Variants in AKAP19 observed in about 807,000 individuals in gnomAD.
AKAP19 encodes small A-kinase anchoring protein.
At chr2:190,085,737 T>G in the AKAP19 span, among the ~76,000 whole-genome samples, 2 of 152,238 alleles carry the variant, frequency 1.3e-5, no homozygotes, top group African/African-American at 4.8e-5. Context: ...AATAGGACAC[T>G]GATCATCCAT....
the AKAP19 span, among the ~76,000 whole-genome samples, chr2:189,995,649 T>G: frequency 6.6e-6 from 1 of 152,160 alleles, no homozygotes; most frequent in South Asian, 2.1e-4. Context: ...ACTGTTCTAT[T>G]CATCATGCTA....
the AKAP19 span, among the ~76,000 whole-genome samples, chr2:190,144,845 C>T: frequency 6.6e-6 from 1 of 152,122 alleles, no homozygotes. Flanking sequence ...GGCACGGTGG[C>T]ACACCCCTGT....
At chr2:190,180,809 C>G in the AKAP19 span, 1 of 985,290 alleles carries the variant, frequency 1.0e-6, no homozygotes, top group Non-Finnish European at 1.2e-6. This position sits in a 1 kb window ranked among gnomAD's most constrained non-coding sequence, Gnocchi z 6.8. Flanking sequence ...GCGGCGGCGA[C>G]GGCAGGAGGA....
chr2:189,964,002 C>T, the AKAP19 span, among the ~76,000 whole-genome samples: 2 of 152,156 alleles, frequency 1.3e-5, no homozygotes, highest in African/African-American at 4.8e-5. Flanking sequence ...CCATCCACCA[C>T]CTTGGCCTCT....
chr2:189,996,171 T>C, the AKAP19 span, among the ~76,000 whole-genome samples: 9 of 152,266 alleles, frequency 5.9e-5, no homozygotes, highest in African/African-American at 2.2e-4. Flanking sequence ...TTTTCCTCAA[T>C]TATTCTCTCA....
At chr2:190,097,885 AAGAAAAGAAAAG>A in the AKAP19 span, among the ~76,000 whole-genome samples, 1 of 151,004 alleles carries the variant, frequency 6.6e-6, no homozygotes, top group Non-Finnish European at 1.5e-5. Context: ...AAAAAAAGAA[AAGAAAAGAAAAG>A]AAAAAGAAAA....
chr2:190,129,173 TC>T, the AKAP19 span, among the ~76,000 whole-genome samples: 1 of 152,330 alleles, frequency 6.6e-6, no homozygotes, highest in Admixed American at 6.5e-5. Context: ...TGTAGAGTAC[TC>T]CATTTACTGA....
the AKAP19 span, among the ~76,000 whole-genome samples, chr2:190,007,260 T>A: frequency 6.6e-6 from 1 of 152,222 alleles, no homozygotes; most frequent in Non-Finnish European, 1.5e-5. Flanking sequence ...TCAATGCCTA[T>A]ATTCTCCATT....
chr2:190,074,680 A>C, the AKAP19 span, among the ~76,000 whole-genome samples: 1 of 152,016 alleles, frequency 6.6e-6, no homozygotes, highest in Non-Finnish European at 1.5e-5. Context: ...AAAGGAGTGC[A>C]AAAGTAGATC....
the AKAP19 span, among the ~76,000 whole-genome samples, chr2:189,963,075 T>C: frequency 6.6e-6 from 1 of 152,134 alleles, no homozygotes; most frequent in Non-Finnish European, 1.5e-5. Flanking sequence ...CATAGCATCT[T>C]CACCAGAAGT....
At chr2:190,181,908 T>C in the AKAP19 span, among the ~76,000 whole-genome samples, 10 of 152,216 alleles carry the variant, frequency 6.6e-5, no homozygotes, top group Non-Finnish European at 8.8e-5. Context: ...AACATGGCTA[T>C]CATAAATAGA....
chr2:190,186,525 TTC>T, the AKAP19 span, among the ~76,000 whole-genome samples: 13 of 152,344 alleles, frequency 8.5e-5, no homozygotes, highest in Non-Finnish European at 1.9e-4. The surrounding 1 kb of genome is among the most constrained non-coding windows in gnomAD (Gnocchi z 5.5). Flanking sequence ...TACAGTAGTG[TTC>T]TTTCGGTGAC....
At chr2:190,068,435 T>C in the AKAP19 span, among the ~76,000 whole-genome samples, 2 of 152,352 alleles carry the variant, frequency 1.3e-5, no homozygotes, top group South Asian at 4.1e-4. Flanking sequence ...GTTCAAGCGA[T>C]TCTCCTGCTT....
the AKAP19 span, chr2:190,180,690 C>T: frequency 2.0e-6 from 2 of 985,444 alleles, no homozygotes; most frequent in Non-Finnish European, 2.4e-6. This position sits in a 1 kb window ranked among gnomAD's most constrained non-coding sequence, Gnocchi z 6.8. Context: ...CTCTGCCACC[C>T]GAAGTTCGTG....
the AKAP19 span, among the ~76,000 whole-genome samples, chr2:190,066,443 A>G: frequency 6.6e-6 from 1 of 152,218 alleles, no homozygotes; most frequent in Non-Finnish European, 1.5e-5. Context: ...ACAAGAATGA[A>G]TCATGAAAAA....
the AKAP19 span, among the ~76,000 whole-genome samples, chr2:189,897,011 A>T: frequency 6.6e-6 from 1 of 152,122 alleles, no homozygotes; most frequent in Non-Finnish European, 1.5e-5. Context: ...ACTGAATTCC[A>T]GCTCTATTCA....
the AKAP19 span, chr2:190,062,194 C>T: frequency 3.1e-5 from 50 of 1,610,674 alleles, no homozygotes; most frequent in Non-Finnish European, 4.2e-5. Flanking sequence ...GTCAGCAGAA[C>T]TGTTGATATA....
At chr2:190,030,600 C>A in the AKAP19 span, among the ~76,000 whole-genome samples, 2 of 152,220 alleles carry the variant, frequency 1.3e-5, no homozygotes, top group Non-Finnish European at 2.9e-5. Flanking sequence ...TCACAACAAC[C>A]AGTTACCCAT....
the AKAP19 span, among the ~76,000 whole-genome samples, chr2:190,074,902 T>C: frequency 4.6e-5 from 7 of 152,062 alleles, no homozygotes; most frequent in Non-Finnish European, 7.4e-5. Flanking sequence ...GAGAAGAAAA[T>C]GTGAGTATCA....
Sources: gnomAD v4.1 joint callset for allele counts (sites outside exome capture counted in the v4.1 genomes callset) on GRCh38, gnomAD v4.1.1 for gene constraint, Gnocchi (gnomAD v3.1) non-coding constraint, MANE v1.5 for transcripts, NCBI Gene and HGNC (gene_info 2026-07-23, HGNC 2026-07-21) for gene names.